The following ENOX1 variants were observed in gnomAD, a reference collection of about 807,000 sequenced individuals.
ENOX1 encodes candidate growth-related and time keeping constitutive hydroquinone (NADH) oxidase.
A neutral mutation model predicts 82.5 loss-of-function variants in ENOX1; 42 were observed. That is an observed-to-expected ratio of 0.51 (90% CI 0.40 to 0.66). The LOEUF is 0.66. ENOX1 is among the 30% of genes least tolerant of loss of function. The pLI, the probability that ENOX1 is intolerant of heterozygous loss-of-function variation, is 0.00. For synonymous variants in ENOX1, 271 were observed against 282.2 expected (o/e 0.96, Z 0.40); for missense variants, 608 against 811.6 (o/e 0.75, Z 3.05).
At chr13:43,716,265 T>C (rs2088124999) in intron 1 of ENOX1, among the ~76,000 whole-genome samples, 1 of 152,180 alleles carries the variant, frequency 6.6e-6, no homozygotes, top group Non-Finnish European at 1.5e-5. Flanking sequence ...GTTTGTTAGT[T>C]TTCCTTCTAA....
intron 2 of ENOX1, among the ~76,000 whole-genome samples, chr13:43,553,391 G>A (rs2153700821): frequency 6.6e-6 from 1 of 152,248 alleles, no homozygotes. Context: ...AAGACAGACT[G>A]GGCTTGACAC....
At chr13:43,510,741 A>G (rs1023017513) in intron 2 of ENOX1, among the ~76,000 whole-genome samples, 1 of 152,114 alleles carries the variant, frequency 6.6e-6, no homozygotes, top group Non-Finnish European at 1.5e-5. Flanking sequence ...TAGCTATATG[A>G]TCTTGAGAAA....
intron 2 of ENOX1, chr13:43,546,130 A>G (rs1289885975): frequency 2.0e-5 from 3 of 152,316 alleles, no homozygotes; most frequent in Non-Finnish European, 4.4e-5. Flanking sequence ...GCCCTCATAG[A>G]CAGGTGTTCT....
At chr13:43,617,272 G>T (rs1035930540) in intron 2 of ENOX1, among the ~76,000 whole-genome samples, 2 of 152,186 alleles carry the variant, frequency 1.3e-5, no homozygotes, top group Non-Finnish European at 2.9e-5. Flanking sequence ...AGCTGCTATG[G>T]ATATCCTTAT....
intron 5 of ENOX1, among the ~76,000 whole-genome samples, chr13:43,362,419 T>A (rs969970799): frequency 4.0e-4 from 61 of 152,222 alleles, no homozygotes; most frequent in African/African-American, 1.5e-3. Context: ...TGTTCCCAGA[T>A]AGACAGGCCA....
intron 2 of ENOX1, among the ~76,000 whole-genome samples, chr13:43,487,627 T>C (rs1566357173): frequency 6.6e-6 from 1 of 152,224 alleles, no homozygotes; most frequent in Non-Finnish European, 1.5e-5. Flanking sequence ...TGGCAAGCTC[T>C]AGACGTGCCA....
At chr13:43,230,211 G>T (rs796700973) in intron 15 of ENOX1, among the ~76,000 whole-genome samples, 8 of 152,322 alleles carry the variant, frequency 5.3e-5, no homozygotes, top group Admixed American at 2.0e-4. Context: ...TAAAGTAGCT[G>T]CCAGGTAGAG....
chr13:43,428,978 C>A (rs1051058557), intron 3 of ENOX1, among the ~76,000 whole-genome samples: 2 of 152,136 alleles, frequency 1.3e-5, no homozygotes, highest in African/African-American at 4.8e-5. Flanking sequence ...GAATCATCAC[C>A]CATTGTGGCG....
chr13:43,573,780 C>T (rs139123867), intron 2 of ENOX1, among the ~76,000 whole-genome samples: 1 of 152,280 alleles, frequency 6.6e-6, no homozygotes, highest in East Asian at 1.9e-4. Flanking sequence ...AAACCTAGTC[C>T]TGTCACAGAA....
rs113178634 is a variant in ENOX1 at position 43,502,953 on chromosome 13, T to C, written c.-218-18801A>G. Reference sequence around the variant, plus strand: ...AATCTGTTTGCTGATGACATGATTTTATATACAGAAAACTCTAAGAAGTCC... The same window carrying C: ...AATCTGTTTGCTGATGACATGATTTCATATACAGAAAACTCTAAGAAGTCC... On this transcript the variant is annotated intron_variant, in intron 2 of 16. Coordinates refer to ENST00000690772, the MANE Select transcript of ENOX1 (RefSeq NM_001347969.2). 2.6e-3 allele frequency among the ~76,000 whole-genome samples: 390 copies of C among 151,680 alleles called. 1 individual carries two copies. Among genetic ancestry groups the C allele is most frequent in the African/African-American group, 9.0e-3 (373 of 41,510 alleles).
intron 12 of ENOX1, among the ~76,000 whole-genome samples, chr13:43,293,301 C>T (rs2046107836): frequency 6.6e-6 from 1 of 152,094 alleles, no homozygotes; most frequent in Non-Finnish European, 1.5e-5. Flanking sequence ...ATAAGGCCAC[C>T]ACAGCCAGCA....
chr13:43,302,142 G>A (rs1056573454), intron 11 of ENOX1, among the ~76,000 whole-genome samples: 4 of 151,676 alleles, frequency 2.6e-5, no homozygotes, highest in African/African-American at 7.3e-5. Flanking sequence ...TGCATCTTTC[G>A]GTAGGAATTC....
intron 3 of ENOX1, among the ~76,000 whole-genome samples, chr13:43,469,143 C>T (rs1188188755): frequency 6.6e-6 from 1 of 152,040 alleles, no homozygotes; most frequent in African/African-American, 2.4e-5. Flanking sequence ...AAAAAGTTTC[C>T]TTATATTCCT....
intron 12 of ENOX1, among the ~76,000 whole-genome samples, chr13:43,294,555 G>C (rs1171211586): frequency 6.6e-6 from 1 of 152,168 alleles, no homozygotes. Context: ...ACAGACGCTT[G>C]GGAAAAGAGT....
At chr13:43,281,486 A>G (rs1228852505) in intron 12 of ENOX1, among the ~76,000 whole-genome samples, 1 of 152,208 alleles carries the variant, frequency 6.6e-6, no homozygotes, top group African/African-American at 2.4e-5. Flanking sequence ...AAGGCCTCCA[A>G]GATATGAAAA....
chr13:43,513,379 G>T (rs1039159134), intron 2 of ENOX1, among the ~76,000 whole-genome samples: 1 of 151,958 alleles, frequency 6.6e-6, no homozygotes, highest in African/African-American at 2.4e-5. Flanking sequence ...GGGGCAAAGC[G>T]GTAAGAAAAA....
chr13:43,698,761 A>G (rs1033306647), intron 1 of ENOX1, among the ~76,000 whole-genome samples: 1 of 152,198 alleles, frequency 6.6e-6, no homozygotes, highest in South Asian at 2.1e-4. Context: ...GTCTCTGCAC[A>G]CTTCACTAGA....
chr13:43,321,393 T>C (rs1426094938), intron 11 of ENOX1, among the ~76,000 whole-genome samples: 1 of 152,222 alleles, frequency 6.6e-6, no homozygotes, highest in Non-Finnish European at 1.5e-5. Flanking sequence ...TATATGCCTG[T>C]AGGCAGGAGC....
In ENOX1 at chr13:43,368,154, G is replaced by A. The variant is rs530178254; in HGVS notation, c.209-6702C>T. 5.9e-5 allele frequency among the ~76,000 whole-genome samples: 9 copies of A among 152,338 alleles called. No individual in the cohort carries two copies. The East Asian group carries it at 1.7e-3, about 29-fold the overall frequency. On this transcript the variant is annotated intron_variant, in intron 5 of 16. Coordinates refer to ENST00000690772, the MANE Select transcript of ENOX1 (RefSeq NM_001347969.2). ...AAGAGTTTCAAAGGCAGTGAGGTATGTTTTTCATTTAAACCTAAGATGTGT... is the reference window on the plus strand; with the variant it reads ...AAGAGTTTCAAAGGCAGTGAGGTATATTTTTCATTTAAACCTAAGATGTGT...
Sources: gnomAD v4.1 joint callset for allele counts (sites outside exome capture counted in the v4.1 genomes callset) on GRCh38, gnomAD v4.1.1 for gene constraint, MANE v1.5 for transcripts, NCBI Gene and HGNC (gene_info 2026-07-23, HGNC 2026-07-21) for gene names.